The following GABRA4 variants were observed in gnomAD, a reference collection of about 807,000 sequenced individuals.
GABRA4 encodes the protein gamma-aminobutyric acid receptor subunit alpha-4.
GABRA4 carries 12 observed loss-of-function variants against 49.7 expected under a neutral mutation model. That is an observed-to-expected ratio of 0.24 (90% confidence interval 0.15 to 0.39). The LOEUF (loss-of-function observed/expected upper bound fraction) is 0.39. GABRA4 is among the 10% of genes least tolerant of loss of function. The probability of loss-of-function intolerance (pLI) is 1.00; values close to 1 mark genes in which losing one functional copy is unlikely to be tolerated. For missense variants in GABRA4, 506 were observed against 686.0 expected, an observed-to-expected ratio of 0.74 and a Z score of 2.93; for synonymous variants, 288 against 240.2, an observed-to-expected ratio of 1.20 and a Z score of -1.84.
intron 7 of GABRA4, among the ~76,000 whole-genome samples, chr4:46,970,827 C>T (rs1722927845): frequency 6.6e-6 from 1 of 151,510 alleles, no homozygotes. Context: ...GAGATTATGT[C>T]CAGATTCACA....
rs905250013 is a variant in GABRA4 at position 46,975,591 on chromosome 4, C to T, written c.578-1216G>A. Among the ~76,000 whole-genome samples the T allele has an allele frequency of 4.6e-5, 7 of 151,916 alleles. No individual in the cohort carries two copies. In the East Asian group the frequency reaches 9.7e-4, roughly 21 times the overall value. On this transcript the variant is annotated intron_variant, in intron 5 of 8. Coordinates refer to ENST00000264318, the MANE Select transcript of GABRA4 (RefSeq NM_000809.4). ...ATCCTTACCTGCTGAGTATGGTGTG[C>T]CTCTCTTTTTAATTCCCAATCCAAA...
rs1378442335 is a variant in GABRA4 at position 46,925,780 on chromosome 4, G to A, written c.*2445C>T. ...ATTATCATCATTATTATCATTGTGTGCAAATGAAATAATTTATTTTAATAA... is the reference window on the plus strand; with the variant it reads ...ATTATCATCATTATTATCATTGTGTACAAATGAAATAATTTATTTTAATAA... On this transcript the variant is annotated 3_prime_UTR_variant, in exon 9 of 9. Transcript: ENST00000264318. 6.9e-6 allele frequency: 1 copy of A among 145,916 alleles called. No homozygotes were observed. The highest frequency in any genetic ancestry group is 2.5e-5 in the African/African-American group (1 of 39,872). 9.0% of individuals were successfully genotyped at this position (145,916 alleles called of 1,614,324 possible).
Position 46,922,293 on chromosome 4 carries a change from A to T in GABRA4, c.*5932T>A, listed in dbSNP as rs1041193141. 4.6e-5 allele frequency: 7 copies of T among 152,296 alleles called. No individual in the cohort carries two copies. Among genetic ancestry groups the T allele is most frequent in the Admixed American group, 2.0e-4 (3 of 15,282 alleles). 9.4% of individuals were successfully genotyped at this position (152,296 alleles called of 1,614,324 possible). A position where few individuals can be genotyped will look rare whatever the true frequency, so the allele number is the denominator to read the frequency against. On this transcript the variant is annotated 3_prime_UTR_variant, in exon 9 of 9. Transcript: ENST00000264318. ...TATAAAAATATGGTGCCTGGGCAGA[A>T]GAAAAAACACATAAAACGGTTTTGG...
In GABRA4 at chr4:46,993,389, C is replaced by G. The variant is rs771224945; in HGVS notation, c.36G>C (p.Leu12=). The G allele has an allele frequency of 1.5e-5, 25 of 1,614,124 alleles. No individual in the cohort carries two copies. In the South Asian group the frequency reaches 2.5e-4, roughly 16 times the overall value. Residue 12 remains leucine, a synonymous_variant, in exon 1 of 9, where the codon CTG becomes CTC. Coordinates refer to ENST00000264318, the MANE Select transcript of GABRA4 (RefSeq NM_000809.4). ...VSAKKVPAIA[L]SAGVSFALLR... is the part of the protein sequence containing the mutation. ...GGAGGGCGAAACTGACCCCGGCGGA[C>G]AGAGCGATCGCGGGTACCTTCTTGG...
chr4:46,942,549 C>T lies in GABRA4; in HGVS notation c.1135-13794G>A, dbSNP rs148622058. Among the ~76,000 whole-genome samples the T allele has an allele frequency of 8.5e-3, 1,276 of 150,420 alleles. 7 individuals are homozygous for T. Among genetic ancestry groups the T allele is most frequent in the Middle Eastern group, 0.028 (8 of 286 alleles). ...CTGAGGCATGAGAATTGCTTGAACG[C>T]GGAAGGTGGAGTTTGCTGTGAGCTG... is the stretch of plus-strand genomic sequence containing the variant. On this transcript the variant is annotated intron_variant, in intron 8 of 8. Coordinates refer to ENST00000264318, the MANE Select transcript of GABRA4 (RefSeq NM_000809.4).
intron 8 of GABRA4, among the ~76,000 whole-genome samples, chr4:46,952,332 TA>T (rs1560469684): frequency 6.6e-6 from 1 of 151,988 alleles, no homozygotes; most frequent in Non-Finnish European, 1.5e-5. Context: ...TCTAGGAAGC[TA>T]AAAAAATCCT....
At position 46,968,305 on chromosome 4, in the gene GABRA4, C is replaced by T. The variant is rs1056579036; in HGVS notation, c.874+2778G>A. On this transcript the variant is annotated intron_variant, in intron 7 of 8. Transcript: ENST00000264318. ...AGGTCTTTGAAGACTTAATTACAGACATAATTTGTCTGCTCAACTGAAAAC... is the reference window on the plus strand; with the variant it reads ...AGGTCTTTGAAGACTTAATTACAGATATAATTTGTCTGCTCAACTGAAAAC... 2.0e-5 allele frequency among the ~76,000 whole-genome samples: 3 copies of T among 151,364 alleles called. No individual in the cohort carries two copies. The Admixed American group carries it at 2.0e-4, about 10-fold the overall frequency.
chr4:46,988,793 G>A (rs1723633716), intron 2 of GABRA4, among the ~76,000 whole-genome samples: 1 of 152,214 alleles, frequency 6.6e-6, no homozygotes, highest in Admixed American at 6.5e-5. Flanking sequence ...ACAGGGCAAT[G>A]AAAGAGTGCC....
At chr4:46,962,651 G>A (rs1181424427) in intron 8 of GABRA4, among the ~76,000 whole-genome samples, 2 of 151,748 alleles carry the variant, frequency 1.3e-5, no homozygotes, top group Non-Finnish European at 2.9e-5. Flanking sequence ...AATAGCCAAA[G>A]ATATCCTAAG....
intron 2 of GABRA4, among the ~76,000 whole-genome samples, chr4:46,980,992 T>A (rs544241329): frequency 1.5e-4 from 23 of 152,234 alleles, no homozygotes; most frequent in Middle Eastern, 3.4e-3. Context: ...AATCAAAAGT[T>A]ACTTTGATGA....
intron 8 of GABRA4, among the ~76,000 whole-genome samples, chr4:46,959,872 C>A (rs2109368027): frequency 1.4e-5 from 2 of 147,832 alleles, no homozygotes; most frequent in African/African-American, 5.0e-5. Flanking sequence ...GTGAGTGTGT[C>A]TCCAAAACTG....
intron 2 of GABRA4, among the ~76,000 whole-genome samples, chr4:46,992,377 A>G (rs1212211890): frequency 6.6e-6 from 1 of 152,214 alleles, no homozygotes; most frequent in Non-Finnish European, 1.5e-5. Flanking sequence ...CCCCAGATTT[A>G]TGTCCCAGGT....
chr4:46,928,179 A>G lies in GABRA4; in HGVS notation c.*46T>C, dbSNP rs1313934955. ...TATATTTAAAAACATTTAAAAAGAC[A>G]TTCTGCATTTTCATCATCTTTTAGC... is the stretch of plus-strand genomic sequence containing the variant. On this transcript the variant is annotated 3_prime_UTR_variant, in exon 9 of 9. Coordinates refer to ENST00000264318, the MANE Select transcript of GABRA4 (RefSeq NM_000809.4). The G allele has an allele frequency of 7.1e-7, 1 of 1,413,822 alleles. No homozygotes were observed. The highest frequency in any genetic ancestry group is 9.6e-7 in the Non-Finnish European group (1 of 1,042,366). 87.6% of individuals were successfully genotyped at this position (1,413,822 alleles called of 1,614,324 possible). A position where few individuals can be genotyped will look rare whatever the true frequency, so the allele number is the denominator to read the frequency against.
intron 2 of GABRA4, among the ~76,000 whole-genome samples, chr4:46,980,915 T>A (rs933708671): frequency 2.0e-5 from 3 of 152,108 alleles, no homozygotes; most frequent in Non-Finnish European, 4.4e-5. Context: ...CAAGTGGTGA[T>A]AAGTTACTCG....
chr4:46,979,466 AG>A (rs1269390233), intron 2 of GABRA4, among the ~76,000 whole-genome samples: 3 of 152,110 alleles, frequency 2.0e-5, no homozygotes, highest in East Asian at 3.9e-4. Context: ...GCTGTTAAAA[AG>A]GGGAAGTGTG....
chr4:46,973,728 A>G (rs1351322632), intron 6 of GABRA4, among the ~76,000 whole-genome samples: 1 of 151,860 alleles, frequency 6.6e-6, no homozygotes, highest in Admixed American at 6.6e-5. Flanking sequence ...AGAATCATAA[A>G]TAATAAACAT....
At chr4:46,976,040 A>T (rs1723129605) in intron 5 of GABRA4, among the ~76,000 whole-genome samples, 2 of 151,958 alleles carry the variant, frequency 1.3e-5, no homozygotes, top group Admixed American at 1.3e-4. Flanking sequence ...AATCTGAAGC[A>T]ATAGTAAAAG....
chr4:46,979,003 A>T, intron 3 of GABRA4, 28 bp downstream of exon 3: 2 of 1,455,192 alleles, frequency 1.4e-6, no homozygotes, highest in Non-Finnish European at 1.9e-6. Context: ...AAGTCTCAAA[A>T]GGTACATTAA....
intron 8 of GABRA4, among the ~76,000 whole-genome samples, chr4:46,956,606 A>C (rs746840706): frequency 3.3e-5 from 5 of 151,892 alleles, no homozygotes; most frequent in Non-Finnish European, 7.4e-5. Flanking sequence ...CCATCAGCCA[A>C]GTCCAACTGC....
Sources: allele counts gnomAD v4.1 joint callset (sites outside exome capture counted in the v4.1 genomes callset), GRCh38; gene constraint gnomAD v4.1.1; transcripts MANE v1.5; gene names NCBI Gene and HGNC (gene_info 2026-07-23, HGNC 2026-07-21).